SCAF11: variants seen among roughly 807,000 people sequenced by gnomAD.
The protein encoded by SCAF11 is SR-related CTD associated factor 11.
In SCAF11, 47 loss-of-function variants were observed where a neutral mutation model predicts 140.5. The observed-to-expected ratio is 0.33, with a 90% CI of 0.26 to 0.43. The LOEUF is 0.43. SCAF11 is among the 20% of genes least tolerant of loss of function. The pLI is 1.00. For missense variants in SCAF11, 1,645 were observed against 1,705.1 expected (o/e 0.96, Z 0.62); for synonymous variants, 557 against 579.4 (o/e 0.96, Z 0.55).
chr12:45,923,058 G>C lies in SCAF11; in HGVS notation c.4003C>G (p.Pro1335Ala), dbSNP rs767066136. Residue 1335 changes from proline (P) to alanine (A), a missense_variant, in exon 13 of 15, where the codon CCA (proline) becomes GCA (alanine). Pro to Ala is a conservative substitution (Grantham distance 27). Transcript: ENST00000369367. ...APGNTGMVQG[P>A]SSGNTSSSSH... is the part of the protein sequence containing the mutation. ...GATGACGAAGTATTACCAGAACTTGGTCCCTGAACCATTCCCGTATTTCCT... is the reference window on the plus strand; with the variant it reads ...GATGACGAAGTATTACCAGAACTTGCTCCCTGAACCATTCCCGTATTTCCT... The C allele has an allele frequency of 6.2e-7, 1 of 1,613,976 alleles. No homozygotes were observed. Among genetic ancestry groups the C allele is most frequent in the Non-Finnish European group, 8.5e-7 (1 of 1,180,016 alleles).
intron 6 of SCAF11, 121 bp downstream of exon 6, chr12:45,945,128 T>G (rs993509250): frequency 1.5e-6 from 1 of 681,798 alleles, no homozygotes; most frequent in Non-Finnish European, 2.6e-6. Flanking sequence ...TTTAACACAA[T>G]GTACAGAGTT....
chr12:45,967,325 A>G (rs1209172476), intron 1 of SCAF11, among the ~76,000 whole-genome samples: 1 of 152,190 alleles, frequency 6.6e-6, no homozygotes, highest in Admixed American at 6.5e-5. Context: ...ACCTCAATCA[A>G]GTTACACACT....
chr12:45,926,146 T>A lies in SCAF11; in HGVS notation c.3555A>T (p.Gly1185=), dbSNP rs1769719402. The part of the protein sequence containing the change: ...GWMKQEEETS[G]QDSSLKDQTN... ...AAACCAACAAGAATACATTACCCTG[T>A]CCAGATGTTTCCTCCTCTTGTTTCA... Residue 1185 remains glycine, a synonymous_variant, in exon 11 of 15, where the codon GGA becomes GGT. Coordinates refer to ENST00000369367, the MANE Select transcript of SCAF11 (RefSeq NM_004719.3). The A allele has an allele frequency of 7.5e-6, 12 of 1,610,452 alleles. No homozygotes were observed. The highest frequency in any genetic ancestry group is 1.0e-5 in the Non-Finnish European group (12 of 1,177,538).
chr12:45,955,123 C>G (rs969483488), intron 3 of SCAF11: 1 of 151,948 alleles, frequency 6.6e-6, no homozygotes, highest in African/African-American at 2.4e-5. Context: ...TTAGTTAACA[C>G]CAAAAAATAA....
Position 45,927,659 on chromosome 12 carries a change from A to G in SCAF11, c.2042T>C (p.Leu681Ser). The change falls in exon 11 of 15, where the codon TTA becomes TCA. Residue 681 changes from leucine to serine, a missense_variant. Leu to Ser is a moderately radical substitution (Grantham distance 145). Transcript: ENST00000369367. ...GGTCAGCGATTCATTCTTTTCTTCT[A>G]AAGATTTTTCCAATTTGGTGTTCAG... Reference protein sequence around the residue: ...NLLNTKLEKSLEEKNESLTEH... With the variant: ...NLLNTKLEKSSEEKNESLTEH... The G allele has an allele frequency of 1.2e-6, 2 of 1,612,068 alleles. No homozygotes were observed. The highest frequency in any genetic ancestry group is 2.2e-5 in the East Asian group (1 of 44,870).
At chr12:45,956,434 G>A (rs1425650092) in intron 3 of SCAF11, among the ~76,000 whole-genome samples, 1 of 152,114 alleles carries the variant, frequency 6.6e-6, no homozygotes, top group East Asian at 1.9e-4. Context: ...TTTCATTTAT[G>A]GTTCTAAGAC....
rs1270953592 is a variant in SCAF11, at chr12:45,990,426, C to T, written c.-95G>A. ...TTCCCAGGTCCCAGTCACTCCGCTG[C>T]CAAGTTCCCCAACATGGACTCCTTC... On this transcript the variant is annotated 5_prime_UTR_variant, in exon 1 of 15. Transcript: ENST00000369367. 4.9e-6 allele frequency: 6 copies of T among 1,232,168 alleles called. No individual in the cohort carries two copies. The highest frequency in any genetic ancestry group is 6.1e-6 in the Non-Finnish European group (6 of 988,384). 76.3% of individuals were successfully genotyped at this position (1,232,168 alleles called of 1,614,324 possible).
At chr12:45,936,210 C>T (rs1302895690) in intron 6 of SCAF11, among the ~76,000 whole-genome samples, 1 of 151,486 alleles carries the variant, frequency 6.6e-6, no homozygotes, top group Admixed American at 6.6e-5. Context: ...GCCACAATCT[C>T]GGCTGACTGC....
intron 1 of SCAF11, among the ~76,000 whole-genome samples, chr12:45,971,809 C>T (rs1592216746): frequency 6.6e-6 from 1 of 152,028 alleles, no homozygotes; most frequent in Non-Finnish European, 1.5e-5. Context: ...GAACCTAAAA[C>T]TCTTAAGAAA....
At chr12:45,936,259 G>A (rs1192542763) in intron 6 of SCAF11, among the ~76,000 whole-genome samples, 2 of 151,128 alleles carry the variant, frequency 1.3e-5, no homozygotes, top group East Asian at 1.9e-4. Context: ...CTCCTGTCTC[G>A]GCCTCCTGAG....
At chr12:45,979,739 C>A (rs1421166546) in intron 1 of SCAF11, among the ~76,000 whole-genome samples, 2 of 152,050 alleles carry the variant, frequency 1.3e-5, no homozygotes, top group Non-Finnish European at 2.9e-5. Flanking sequence ...GAGATAAGTA[C>A]AATTATGTTA....
Position 45,920,821 on chromosome 12 carries a change from C to T in SCAF11, c.*1227G>A, listed in dbSNP as rs1257057979. ...AATATTTCATCAGTGATTAGATAAACAACAACTTTACGCCAGTGCCATGAG... is the reference window on the plus strand; with the variant it reads ...AATATTTCATCAGTGATTAGATAAATAACAACTTTACGCCAGTGCCATGAG... On this transcript the variant is annotated 3_prime_UTR_variant, in exon 15 of 15. Transcript: ENST00000369367. 1 of 152,376 alleles carries T rather than the reference C, an allele frequency of 6.6e-6. No individual in the cohort carries two copies. Among genetic ancestry groups the T allele is most frequent in the Non-Finnish European group, 1.5e-5 (1 of 68,022 alleles). The allele number at this position is 152,376 out of a possible 1,614,324, so 9.4% of individuals were successfully genotyped here.
In SCAF11 at chr12:45,959,785, G is replaced by A. The variant is rs376651498; in HGVS notation, c.219+1915C>T. ...CAATTTATTAATAGATTGCTCTCTTGTTACTGCTCAACTGAAAGGTTTATT... is the reference window on the plus strand; with the variant it reads ...CAATTTATTAATAGATTGCTCTCTTATTACTGCTCAACTGAAAGGTTTATT... On this transcript the variant is annotated intron_variant, in intron 3 of 14. Transcript: ENST00000369367. 8.5e-5 allele frequency among the ~76,000 whole-genome samples: 13 copies of A among 152,178 alleles called. No individual in the cohort carries two copies. The East Asian group carries it at 2.1e-3, about 25-fold the overall frequency.
intron 1 of SCAF11, among the ~76,000 whole-genome samples, chr12:45,973,653 C>T (rs773193739): frequency 6.6e-6 from 1 of 152,070 alleles, no homozygotes; most frequent in Non-Finnish European, 1.5e-5. Context: ...CCGGTGATTT[C>T]TTATCAGAAA....
chr12:45,930,440 GTTTT>G (rs140021707), intron 10 of SCAF11, among the ~76,000 whole-genome samples: 1,405 of 140,326 alleles, frequency 0.01, 26 homozygotes, highest in African/African-American at 0.037. Context: ...TTTGCGTTGT[GTTTT>G]GTTTTTTTTT....
At chr12:45,953,870 G>A in intron 3 of SCAF11, 1 of 1,030,646 alleles carries the variant, frequency 9.7e-7, no homozygotes, top group Non-Finnish European at 1.3e-6. Flanking sequence ...AGAAGAAAGT[G>A]TGGCATATAC....
At chr12:45,930,455 T>C (rs1317451161) in intron 10 of SCAF11, among the ~76,000 whole-genome samples, 6 of 147,700 alleles carry the variant, frequency 4.1e-5, no homozygotes, top group African/African-American at 1.5e-4. Flanking sequence ...GTTTTTTTTT[T>C]GTTTTTTTTT....
At chr12:45,973,269 A>G (rs954174280) in intron 1 of SCAF11, among the ~76,000 whole-genome samples, 16 of 151,566 alleles carry the variant, frequency 1.1e-4, no homozygotes, top group East Asian at 3.9e-4. Context: ...TAAAAAACAA[A>G]GAGAAAAACA....
At chr12:45,944,226 A>T (rs1324897602) in intron 6 of SCAF11, among the ~76,000 whole-genome samples, 2 of 152,228 alleles carry the variant, frequency 1.3e-5, no homozygotes, top group Non-Finnish European at 2.9e-5. Context: ...TACAGCAATG[A>T]CATAGAAAAG....
Sources: gnomAD v4.1 joint callset for allele counts (sites outside exome capture counted in the v4.1 genomes callset) on GRCh38, gnomAD v4.1.1 for gene constraint, MANE v1.5 for transcripts, NCBI Gene and HGNC (gene_info 2026-07-23, HGNC 2026-07-21) for gene names.